Variants in RNF141 observed in about 807,000 individuals in gnomAD.
RNF141 encodes the protein C3HC4-like zinc finger protein.
Under a neutral mutation model 27.4 loss-of-function variants are expected in RNF141, and 18 were observed. That is an observed-to-expected ratio of 0.66 (90% CI 0.45 to 0.97). The LOEUF (loss-of-function observed/expected upper bound fraction) is 0.97, where lower values mean the gene tolerates loss of function less well. Among genes scored for constraint, RNF141 ranks in the 50% least tolerant of loss-of-function variants. RNF141 has a pLI of 0.00. For synonymous variants in RNF141, 97 were observed against 96.6 expected (o/e 1.00, Z -0.02); for missense variants, 230 against 279.4 (o/e 0.82, Z 1.26).
rs183921622 is a variant in RNF141, at chr11:10,539,959, T to C, written c.-48+1163A>G. Among the ~76,000 whole-genome samples the C allele has an allele frequency of 5.2e-4, 79 of 152,028 alleles. 1 individual carries two copies. The highest frequency in any genetic ancestry group is 2.1e-4 in the Non-Finnish European group (14 of 67,968). ...ATTTACACCAAATGACAAATATTAA[T>C]TTTTGAAACATATAGTCATATTCTT... On this transcript the variant is annotated intron_variant, in intron 1 of 5. Transcript: ENST00000265981.
chr11:10,516,162 A>C (rs1470149440), intron 5 of RNF141: 1 of 152,220 alleles, frequency 6.6e-6, no homozygotes, highest in East Asian at 1.9e-4. Context: ...GTTGATTTCT[A>C]GTTCTTCAGA....
chr11:10,521,173 C>A (rs1458006338), intron 4 of RNF141, among the ~76,000 whole-genome samples: 1 of 152,218 alleles, frequency 6.6e-6, no homozygotes, highest in Non-Finnish European at 1.5e-5. Context: ...ATGGTATTTT[C>A]CTTTCCTGAA....
chr11:10,517,008 T>C (rs1311572271), intron 5 of RNF141: 1 of 151,562 alleles, frequency 6.6e-6, no homozygotes, highest in African/African-American at 2.4e-5. Context: ...CTACCAGACA[T>C]ACAAAAAAGC....
At chr11:10,529,050 GT>G (rs869101152) in intron 3 of RNF141, among the ~76,000 whole-genome samples, 11 of 117,456 alleles carry the variant, frequency 9.4e-5, no homozygotes, top group Non-Finnish European at 1.6e-4. Context: ...GAAATAAAAG[GT>G]GTGGCAGAAA....
intron 4 of RNF141, among the ~76,000 whole-genome samples, chr11:10,524,895 T>C (rs189491054): frequency 2.0e-5 from 3 of 152,310 alleles, no homozygotes; most frequent in African/African-American, 7.2e-5. Flanking sequence ...AAATACCTAT[T>C]ATAAGGAAGG....
Position 10,534,198 on chromosome 11 carries a change from CAT to C in RNF141, c.-42_-41del. ...TTTCAAAATCCAGAGTGTTGCTTCA[CAT>C]AGTTTCTGTCAAATATACAGAAAAG... On this transcript the variant is annotated 5_prime_UTR_variant, in exon 2 of 6. It removes an upstream start codon present in the reference 5' UTR. Coordinates refer to ENST00000265981, the MANE Select transcript of RNF141 (RefSeq NM_016422.4). 6.3e-7 allele frequency: 1 copy of C among 1,598,900 alleles called. No individual in the cohort carries two copies. The highest frequency in any genetic ancestry group is 1.3e-5 in the African/African-American group (1 of 74,224).
At position 10,532,534 on chromosome 11, in the gene RNF141, CACACCCCA is replaced by C. The variant is rs1564868760; in HGVS notation, c.143+1474_143+1481del. On this transcript the variant is annotated intron_variant, in intron 2 of 5. Coordinates refer to ENST00000265981, the MANE Select transcript of RNF141 (RefSeq NM_016422.4). ...ACACACACACACACACACACACACA[CACACCCCA>C]CAACTATATACAGCTTTTTGTTTTA... Among the ~76,000 whole-genome samples, 202 of 106,264 alleles carry C rather than the reference CACACCCCA, an allele frequency of 1.9e-3. 1 individual carries two copies. The highest frequency in any genetic ancestry group is 3.4e-3 in the Admixed American group (36 of 10,512). 69.7% of individuals were successfully genotyped at this position (106,264 alleles called of 152,430 possible).
At chr11:10,533,210 T>C (rs1331232669) in intron 2 of RNF141, among the ~76,000 whole-genome samples, 5 of 152,130 alleles carry the variant, frequency 3.3e-5, no homozygotes, top group African/African-American at 4.8e-5. Flanking sequence ...AGAAAATAAA[T>C]AGCAAAAAAG....
chr11:10,528,787 ATG>A (rs1849961315), intron 3 of RNF141, among the ~76,000 whole-genome samples: 1 of 152,342 alleles, frequency 6.6e-6, no homozygotes, highest in African/African-American at 2.4e-5. Flanking sequence ...AGTTCCTACT[ATG>A]TGTAAAGCAC....
In RNF141 at chr11:10,512,408, G is replaced by C. The variant is rs1849808736; in HGVS notation, c.*2508C>G. ...TTTTATATTCACAGTAGATCAGTAAGTGTCTTGGAGCTCATATTGTAAAAT... is the reference window on the plus strand; with the variant it reads ...TTTTATATTCACAGTAGATCAGTAACTGTCTTGGAGCTCATATTGTAAAAT... On this transcript the variant is annotated 3_prime_UTR_variant, in exon 6 of 6. Coordinates refer to ENST00000265981, the MANE Select transcript of RNF141 (RefSeq NM_016422.4). 6.6e-6 allele frequency: 1 copy of C among 152,558 alleles called. No individual in the cohort carries two copies. The highest frequency in any genetic ancestry group is 1.5e-5 in the Non-Finnish European group (1 of 68,022). The allele number at this position is 152,558 out of a possible 1,614,324, so 9.5% of individuals were successfully genotyped here.
At chr11:10,517,212 A>G (rs1849849856) in intron 5 of RNF141, 1 of 152,188 alleles carries the variant, frequency 6.6e-6, no homozygotes, top group Non-Finnish European at 1.5e-5. Context: ...AACTTCTAGA[A>G]ATGAAAATTA....
At chr11:10,519,184 A>AT in intron 4 of RNF141, 43 bp from the exon 5 acceptor site, 1 of 1,528,976 alleles carries the variant, frequency 6.5e-7, no homozygotes, top group Non-Finnish European at 9.0e-7. Flanking sequence ...ATTCTCTGTC[A>AT]TTATGCTTTA....
In RNF141 at chr11:10,525,301, C is replaced by A. The variant is rs575306687; in HGVS notation, c.325G>T (p.Asp109Tyr). The stretch of plus-strand genomic sequence containing the variant: ...ACTCCTGCTGCTTGACTTGTGATAT[C>A]TTTATAAAGTTGAATAAACTGGTAT... Reference protein sequence around the residue: ...NLYQFIQLYKDITSQAAGVLA... With the variant: ...NLYQFIQLYKYITSQAAGVLA... The change falls in exon 4 of 6, where the codon GAT (aspartate) becomes TAT (tyrosine). Residue 109 changes from aspartate to tyrosine, a missense_variant. Transcript: ENST00000265981. 2 of 1,613,168 alleles carry A rather than the reference C, an allele frequency of 1.2e-6. No individual in the cohort carries two copies. The highest frequency in any genetic ancestry group is 1.7e-6 in the Non-Finnish European group (2 of 1,179,356).
At chr11:10,536,624 T>A (rs1474603531) in intron 1 of RNF141, among the ~76,000 whole-genome samples, 1 of 152,234 alleles carries the variant, frequency 6.6e-6, no homozygotes, top group African/African-American at 2.4e-5. Context: ...TTTGTTTTTG[T>A]GTTTTTTAAA....
intron 1 of RNF141, 110 bp from the exon 2 acceptor site, chr11:10,534,315 T>C (rs1322294260): frequency 7.2e-6 from 5 of 692,722 alleles, no homozygotes; most frequent in South Asian, 1.9e-5. Context: ...GAGAGTTGAG[T>C]AGACCTACAT....
At position 10,514,017 on chromosome 11, in the gene RNF141, A is replaced by G. The variant is rs1849823823; in HGVS notation, c.*899T>C. On this transcript the variant is annotated 3_prime_UTR_variant, in exon 6 of 6. Transcript: ENST00000265981. ...AGAAATTTGAGGACTCTGAAATCTC[A>G]GAAAGATGTTTTCAAGTTAAGGAAA... The G allele has an allele frequency of 6.6e-6, 1 of 152,208 alleles. No individual in the cohort carries two copies. Among genetic ancestry groups the G allele is most frequent in the African/African-American group, 2.4e-5 (1 of 41,444 alleles). The allele number at this position is 152,208 out of a possible 1,614,324, so 9.4% of individuals were successfully genotyped here. A position where few individuals can be genotyped will look rare whatever the true frequency, so the allele number is the denominator to read the frequency against.
At chr11:10,515,774 A>C (rs557127562) in intron 5 of RNF141, 2 of 152,364 alleles carry the variant, frequency 1.3e-5, no homozygotes, top group South Asian at 2.1e-4. Context: ...TTGCTTGCTT[A>C]AAGGTCTGAA....
chr11:10,512,664 G>C lies in RNF141; in HGVS notation c.*2252C>G, dbSNP rs1012899648. 6.6e-6 allele frequency: 1 copy of C among 152,002 alleles called. No individual in the cohort carries two copies. The highest frequency in any genetic ancestry group is 2.4e-5 in the African/African-American group (1 of 41,376). The allele number at this position is 152,002 out of a possible 1,614,324, so 9.4% of individuals were successfully genotyped here. On this transcript the variant is annotated 3_prime_UTR_variant, in exon 6 of 6. Transcript: ENST00000265981. Reference sequence around the variant, plus strand: ...TCTTAGAGCTGGAAAAGATTTCAGTGGATCATCTATCCCAAGGTTTTCAAA... The same window carrying C: ...TCTTAGAGCTGGAAAAGATTTCAGTCGATCATCTATCCCAAGGTTTTCAAA...
chr11:10,534,663 C>T (rs1290862959), intron 1 of RNF141, among the ~76,000 whole-genome samples: 6 of 151,996 alleles, frequency 3.9e-5, no homozygotes, highest in African/African-American at 1.4e-4. Context: ...AATATTACAC[C>T]CCTACCTATT....
Sources: gnomAD v4.1 joint callset for allele counts (sites outside exome capture counted in the v4.1 genomes callset) on GRCh38, gnomAD v4.1.1 for gene constraint, MANE v1.5 for transcripts, NCBI Gene and HGNC (gene_info 2026-07-23, HGNC 2026-07-21) for gene names.